Variants in SLMAP observed in about 807,000 individuals in gnomAD.
SLMAP encodes the protein sarcolemmal membrane-associated protein.
Under a neutral mutation model 128.8 loss-of-function variants are expected in SLMAP, and 44 were observed. The ratio of observed to expected loss-of-function variants is 0.34; its 90% CI spans 0.27 to 0.44. The LOEUF (loss-of-function observed/expected upper bound fraction) is 0.44. Among genes scored for constraint, SLMAP ranks in the 20% least tolerant of loss-of-function variants. SLMAP has a pLI of 1.00. For synonymous variants in SLMAP, 327 were observed against 348.8 expected (o/e 0.94, Z 0.70); for missense variants, 787 against 985.3 (o/e 0.80, Z 2.69).
chr3:57,885,771 C>CT (rs35541333), intron 14 of SLMAP, among the ~76,000 whole-genome samples: 854 of 53,536 alleles, frequency 0.016, 191 homozygotes, highest in Middle Eastern at 0.037. Context: ...GTTTTTGGTT[C>CT]TTTTTTTTTT....
chr3:57,906,050 TA>T (rs1168626870), intron 17 of SLMAP, among the ~76,000 whole-genome samples: 4,980 of 105,960 alleles, frequency 0.047, 140 homozygotes, highest in African/African-American at 0.1. Context: ...AAATACTCCT[TA>T]AAAAAAAAAA....
chr3:57,848,326 TCTCCTCCTC>T (rs902618279), intron 5 of SLMAP, among the ~76,000 whole-genome samples: 1 of 149,290 alleles, frequency 6.7e-6, no homozygotes, highest in Admixed American at 6.7e-5. Context: ...TTCTCCCCCT[TCTCCTCCTC>T]CTGTTTCTTC....
chr3:57,865,361 A>T (rs2095269069), intron 13 of SLMAP, 69 bp downstream of exon 13: 1 of 651,080 alleles, frequency 1.5e-6, no homozygotes, highest in Admixed American at 3.0e-5. Context: ...CAGGATAAGG[A>T]GTTCAGGGTT....
chr3:57,898,399 C>T (rs1352245049), intron 17 of SLMAP: 1 of 152,010 alleles, frequency 6.6e-6, no homozygotes, highest in Non-Finnish European at 1.5e-5. Context: ...ACAAAAGTAG[C>T]CCTCTTTATG....
chr3:57,849,192 TTTTG>T (rs1408714017), intron 5 of SLMAP, among the ~76,000 whole-genome samples: 4 of 152,082 alleles, frequency 2.6e-5, no homozygotes, highest in South Asian at 2.1e-4. Context: ...CCCGGCCCTT[TTTTG>T]TTTGTTTTTC....
Position 57,913,286 on chromosome 3 carries a change from ACT to A in SLMAP, c.2138+16_2138+17del, listed in dbSNP as rs1236802194. ...AAAAGAATTGCACAAGTATGCAAGA[ACT>A]CTCTGTTTTTCAGATATAAAATATT... On this transcript the variant is annotated intron_variant, in intron 21 of 24. Coordinates refer to ENST00000671191, the MANE Select transcript of SLMAP (RefSeq NM_001377540.1). 31 of 1,181,588 alleles carry A rather than the reference ACT, an allele frequency of 2.6e-5. No individual in the cohort carries two copies. Among genetic ancestry groups the A allele is most frequent in the African/African-American group, 1.1e-4 (7 of 66,430 alleles). 73.2% of individuals were successfully genotyped at this position (1,181,588 alleles called of 1,614,324 possible).
At chr3:57,759,657 G>A (rs1306970044) in intron 2 of SLMAP, among the ~76,000 whole-genome samples, 8 of 152,176 alleles carry the variant, frequency 5.3e-5, no homozygotes, top group African/African-American at 1.9e-4. Flanking sequence ...ACTAAGTAGT[G>A]CCTTAACTCA....
intron 6 of SLMAP, among the ~76,000 whole-genome samples, chr3:57,853,165 A>T (rs894704225): frequency 3.3e-5 from 5 of 152,234 alleles, no homozygotes; most frequent in African/African-American, 1.2e-4. Context: ...TTTTTGCAGC[A>T]TCTGAGTGAT....
chr3:57,871,616 G>A lies in SLMAP; in HGVS notation c.1238-20G>A, dbSNP rs775405372. On this transcript the variant is annotated intron_variant, in intron 13 of 24. Transcript: ENST00000671191. The stretch of plus-strand genomic sequence containing the variant: ...GACAGCAACAAACTATATCCTTAAA[G>A]GTGTTTCTTTCTTTATTAGAGCACT... 2.5e-6 allele frequency: 4 copies of A among 1,599,842 alleles called. No individual in the cohort carries two copies. The highest frequency in any genetic ancestry group is 3.4e-6 in the Non-Finnish European group (4 of 1,167,826).
intron 6 of SLMAP, among the ~76,000 whole-genome samples, chr3:57,853,964 T>TATATAC (rs2094616939): frequency 1.3e-5 from 1 of 75,770 alleles, no homozygotes; most frequent in Admixed American, 1.4e-4. Context: ...ATTATATATA[T>TATATAC]ATATATATAT....
rs565521022 is a variant in SLMAP at position 57,769,563 on chromosome 3, A to G, written c.198+11714A>G. 2.0e-5 allele frequency among the ~76,000 whole-genome samples: 3 copies of G among 151,902 alleles called. No individual in the cohort carries two copies. The South Asian group carries it at 6.2e-4, about 32-fold the overall frequency. Reference sequence around the variant, plus strand: ...GGTCTCAAATTCCTGGGCTCAAGCAACCCTCCCACCTCAGGCTCCCAAAGT... The same window carrying G: ...GGTCTCAAATTCCTGGGCTCAAGCAGCCCTCCCACCTCAGGCTCCCAAAGT... On this transcript the variant is annotated intron_variant, in intron 2 of 24. Transcript: ENST00000671191.
intron 2 of SLMAP, among the ~76,000 whole-genome samples, chr3:57,789,420 G>A (rs1576510962): frequency 6.6e-6 from 1 of 152,166 alleles, no homozygotes; most frequent in East Asian, 1.9e-4. Flanking sequence ...TGGCTAAATC[G>A]ACCTAACAGG....
At chr3:57,868,063 C>A (rs2095354631) in intron 13 of SLMAP, among the ~76,000 whole-genome samples, 1 of 151,934 alleles carries the variant, frequency 6.6e-6, no homozygotes, top group South Asian at 2.1e-4. Flanking sequence ...GAGTTCAAGA[C>A]CAGCCCGAGC....
At chr3:57,783,316 G>A (rs566612324) in intron 2 of SLMAP, among the ~76,000 whole-genome samples, 2 of 152,184 alleles carry the variant, frequency 1.3e-5, no homozygotes, top group Non-Finnish European at 2.9e-5. Flanking sequence ...AGGCCATTCC[G>A]ATGAGCTCTC....
chr3:57,797,777 C>T (rs948300423), intron 2 of SLMAP, among the ~76,000 whole-genome samples: 5 of 152,158 alleles, frequency 3.3e-5, no homozygotes, highest in South Asian at 2.1e-4. Context: ...TTAATTTTAT[C>T]TCTTCCTTGA....
intron 3 of SLMAP, 63 bp downstream of exon 3, chr3:57,831,593 C>T: frequency 1.8e-6 from 2 of 1,142,588 alleles, no homozygotes; most frequent in South Asian, 4.7e-5. Flanking sequence ...TTTTTATTAT[C>T]TTACTTGACA....
intron 2 of SLMAP, among the ~76,000 whole-genome samples, chr3:57,818,109 T>G (rs2092094376): frequency 6.6e-6 from 1 of 152,176 alleles, no homozygotes; most frequent in Admixed American, 6.6e-5. Context: ...AGGAGACCCT[T>G]TGGCGAGTTA....
chr3:57,882,763 G>T (rs2095781491), intron 14 of SLMAP, among the ~76,000 whole-genome samples: 1 of 152,272 alleles, frequency 6.6e-6, no homozygotes, highest in Middle Eastern at 3.4e-3. Context: ...AGGAACTTCA[G>T]ATTTTTTTCT....
intron 13 of SLMAP, among the ~76,000 whole-genome samples, chr3:57,866,817 G>A (rs1304704303): frequency 6.6e-6 from 1 of 151,760 alleles, no homozygotes; most frequent in African/African-American, 2.4e-5. Flanking sequence ...CCAGGAGGTC[G>A]AGGCTGCAGT....
Sources: gnomAD v4.1 joint callset for allele counts (sites outside exome capture counted in the v4.1 genomes callset) on GRCh38, gnomAD v4.1.1 for gene constraint, MANE v1.5 for transcripts, NCBI Gene and HGNC (gene_info 2026-07-23, HGNC 2026-07-21) for gene names.